VWA8: variants seen among roughly 807,000 people sequenced by gnomAD.
VWA8 encodes von Willebrand factor A domain-containing protein 8.
In VWA8, 221 loss-of-function variants were observed where a neutral mutation model predicts 241.5. The observed-to-expected ratio is 0.91, with a 90% CI of 0.82 to 1.02. The LOEUF is 1.02. Among genes scored for constraint, VWA8 ranks in the 50% least tolerant of loss-of-function variants. The probability of loss-of-function intolerance (pLI) is 0.00; values close to 1 mark genes in which losing one functional copy is unlikely to be tolerated. For synonymous variants in VWA8, 852 were observed against 827.1 expected, an observed-to-expected ratio of 1.03 and a Z score of -0.52; for missense variants, 2,322 against 2,328.7, an observed-to-expected ratio of 1.00 and a Z score of 0.06.
intron 43 of VWA8, among the ~76,000 whole-genome samples, chr13:41,572,797 T>TAAAAAAAA (rs869088660): frequency 6.8e-4 from 46 of 67,760 alleles, no homozygotes; most frequent in South Asian, 1.4e-3. Context: ...CAATAAATAC[T>TAAAAAAAA]AAAAAAAAAA....
At position 41,883,433 on chromosome 13, in the gene VWA8, A is replaced by ATAC; in HGVS notation, c.1031_1033dup (p.Ser344dup). ...CATCTTCCCTTCATGACCTAGTAAA[A>ATAC]TACTATATGGATAAAGCCACTGGAT... On this transcript the variant is annotated inframe_insertion, in exon 9 of 45. Coordinates refer to ENST00000379310, the MANE Select transcript of VWA8 (RefSeq NM_015058.2). 1 of 1,613,788 alleles carries ATAC rather than the reference A, an allele frequency of 6.2e-7. No homozygotes were observed. Among genetic ancestry groups the ATAC allele is most frequent in the South Asian group, 1.1e-5 (1 of 91,070 alleles).
At chr13:41,748,909 G>A (rs573083830) in intron 21 of VWA8, among the ~76,000 whole-genome samples, 94 of 152,262 alleles carry the variant, frequency 6.2e-4, no homozygotes, top group African/African-American at 2.1e-3. Flanking sequence ...AAAAACCCTA[G>A]AAGAAAATCT....
chr13:41,890,623 T>C lies in VWA8; in HGVS notation c.651+797A>G, dbSNP rs566391150. 3.3e-5 allele frequency among the ~76,000 whole-genome samples: 5 copies of C among 152,352 alleles called. No individual in the cohort carries two copies. The East Asian group carries it at 9.6e-4, about 29-fold the overall frequency. On this transcript the variant is annotated intron_variant, in intron 5 of 44. Coordinates refer to ENST00000379310, the MANE Select transcript of VWA8 (RefSeq NM_015058.2). Reference sequence around the variant, plus strand: ...ATTCAACAAATAGTTTTTAAGCACCTACCATGTGCCAGCCATTGATCTAGG... The same window carrying C: ...ATTCAACAAATAGTTTTTAAGCACCCACCATGTGCCAGCCATTGATCTAGG...
At chr13:41,645,792 C>A (rs1441404318) in intron 37 of VWA8, among the ~76,000 whole-genome samples, 1 of 152,164 alleles carries the variant, frequency 6.6e-6, no homozygotes, top group African/African-American at 2.4e-5. Context: ...TATACTTGCT[C>A]ACTTGTGAAA....
chr13:41,810,233 T>C (rs1870405616), intron 17 of VWA8, among the ~76,000 whole-genome samples: 1 of 152,010 alleles, frequency 6.6e-6, no homozygotes, highest in South Asian at 2.1e-4. Flanking sequence ...AGAACAACCA[T>C]ATGACACACC....
intron 2 of VWA8, among the ~76,000 whole-genome samples, chr13:41,925,131 A>C (rs1316650557): frequency 6.6e-6 from 1 of 152,208 alleles, no homozygotes; most frequent in Non-Finnish European, 1.5e-5. Context: ...AAAGAAAAAA[A>C]CTGCCAGTCA....
chr13:41,903,493 G>A (rs1330444706), intron 4 of VWA8, among the ~76,000 whole-genome samples: 1 of 152,122 alleles, frequency 6.6e-6, no homozygotes, highest in Non-Finnish European at 1.5e-5. Flanking sequence ...TATCATGTAC[G>A]ATGACAGCCT....
chr13:41,826,082 C>G (rs1871159047), intron 14 of VWA8, among the ~76,000 whole-genome samples: 1 of 152,084 alleles, frequency 6.6e-6, no homozygotes, highest in South Asian at 2.1e-4. Flanking sequence ...TAAAAAAGAA[C>G]ATATTTATTT....
At chr13:41,646,030 A>C (rs376291191) in intron 37 of VWA8, among the ~76,000 whole-genome samples, 107 of 150,586 alleles carry the variant, frequency 7.1e-4, no homozygotes, top group African/African-American at 2.6e-3. Flanking sequence ...GCAATGGCAC[A>C]ATCTAGGCTT....
At chr13:41,935,691 C>T (rs1301807717) in intron 2 of VWA8, among the ~76,000 whole-genome samples, 1 of 151,914 alleles carries the variant, frequency 6.6e-6, no homozygotes, top group Admixed American at 6.6e-5. Flanking sequence ...GCCTGCAGTG[C>T]TCCTCCCACA....
intron 14 of VWA8, among the ~76,000 whole-genome samples, chr13:41,821,569 T>C (rs915524298): frequency 6.6e-6 from 1 of 152,110 alleles, no homozygotes; most frequent in East Asian, 1.9e-4. Context: ...GAAAAAATTA[T>C]GAGATAAGTG....
chr13:41,700,436 A>G (rs987160270), intron 28 of VWA8, among the ~76,000 whole-genome samples: 1 of 152,160 alleles, frequency 6.6e-6, no homozygotes, highest in Admixed American at 6.5e-5. Flanking sequence ...GTTAGTTTCA[A>G]TTATCAGATA....
At chr13:41,858,869 T>C (rs1872876727) in intron 12 of VWA8, among the ~76,000 whole-genome samples, 2 of 151,776 alleles carry the variant, frequency 1.3e-5, no homozygotes, top group Non-Finnish European at 2.9e-5. Context: ...TGACAGACTG[T>C]AGTAAAATAA....
At chr13:41,663,770 T>C (rs1023601085) in intron 37 of VWA8, among the ~76,000 whole-genome samples, 10 of 151,880 alleles carry the variant, frequency 6.6e-5, no homozygotes, top group African/African-American at 2.4e-4. Context: ...CTTACGATGA[T>C]TCAATTTAAC....
chr13:41,744,790 T>A (rs910306060), intron 21 of VWA8, among the ~76,000 whole-genome samples: 3 of 152,114 alleles, frequency 2.0e-5, no homozygotes, highest in African/African-American at 7.2e-5. Context: ...TAATATATGA[T>A]TGAAACAGTT....
chr13:41,832,869 G>A (rs181022626), intron 13 of VWA8, among the ~76,000 whole-genome samples: 1 of 151,770 alleles, frequency 6.6e-6, no homozygotes, highest in East Asian at 1.9e-4. Context: ...AATTAACAAA[G>A]TGAGCTTTTT....
At chr13:41,903,949 C>T (rs951907113) in intron 4 of VWA8, among the ~76,000 whole-genome samples, 7 of 152,160 alleles carry the variant, frequency 4.6e-5, no homozygotes, top group Non-Finnish European at 8.8e-5. Context: ...ACCTCAGTCA[C>T]GGGCTCCGAA....
chr13:41,568,227 G>C lies in VWA8; in HGVS notation c.5688C>G (p.Ile1896Met). 6.2e-7 allele frequency: 1 copy of C among 1,614,138 alleles called. No homozygotes were observed. The highest frequency in any genetic ancestry group is 8.5e-7 in the Non-Finnish European group (1 of 1,180,002). Residue 1896 changes from isoleucine to methionine, a missense_variant, in exon 45 of 45, where the codon ATC (isoleucine) becomes ATG (methionine). Coordinates refer to ENST00000379310, the MANE Select transcript of VWA8 (RefSeq NM_015058.2). ...CACTCGACAACATGGTGGAGGTGAA[G>C]ATCTGTTGTAAAATCTGAGGGATAT... is the stretch of plus-strand genomic sequence containing the variant. ...TKDIPQILQQ[I>M]FTSTMLSSV
chr13:41,906,138 AT>A (rs1171900238), intron 4 of VWA8, among the ~76,000 whole-genome samples: 3 of 151,970 alleles, frequency 2.0e-5, no homozygotes, highest in African/African-American at 4.8e-5. Context: ...TTTTAAGTGC[AT>A]TTTTTTCTTT....
Sources: allele counts gnomAD v4.1 joint callset (sites outside exome capture counted in the v4.1 genomes callset), GRCh38; gene constraint gnomAD v4.1.1; transcripts MANE v1.5; gene names NCBI Gene and HGNC (gene_info 2026-07-23, HGNC 2026-07-21).